PPP6R3: variants seen among roughly 807,000 people sequenced by gnomAD.
PPP6R3 encodes the protein serine/threonine-protein phosphatase 6 regulatory subunit 3.
A neutral mutation model predicts 110.7 loss-of-function variants in PPP6R3; 38 were observed. That is an observed-to-expected ratio of 0.34 (90% CI 0.26 to 0.45). PPP6R3 has a LOEUF of 0.45. Among genes scored for constraint, PPP6R3 ranks in the 20% least tolerant of loss-of-function variants. The probability of loss-of-function intolerance (pLI) is 1.00; values close to 1 mark genes in which losing one functional copy is unlikely to be tolerated. For missense variants in PPP6R3, 870 were observed against 1,062.4 expected (o/e 0.82, Z 2.52); for synonymous variants, 369 against 373.5 (o/e 0.99, Z 0.14).
intron 1 of PPP6R3, among the ~76,000 whole-genome samples, chr11:68,510,054 C>CTTTTTTTT (rs372113258): frequency 2.6e-5 from 2 of 76,968 alleles, no homozygotes; most frequent in Admixed American, 1.9e-4. Context: ...TGTGCTCGGC[C>CTTTTTTTT]TTTTTTTTTT....
At chr11:68,562,513 T>C (rs1452061085) in intron 8 of PPP6R3, among the ~76,000 whole-genome samples, 1 of 152,182 alleles carries the variant, frequency 6.6e-6, no homozygotes, top group African/African-American at 2.4e-5. Flanking sequence ...CACTCTGATT[T>C]TGAGACTTAA....
chr11:68,506,853 G>T (rs1055888815), intron 1 of PPP6R3, among the ~76,000 whole-genome samples: 7 of 152,120 alleles, frequency 4.6e-5, no homozygotes, highest in Admixed American at 2.6e-4. Context: ...GGAAGTTTCA[G>T]CTTTTACATC....
At position 68,613,820 on chromosome 11, in the gene PPP6R3, A is replaced by AGTCTT. The variant is rs1403597787; in HGVS notation, c.*706_*710dup. 1 of 985,440 alleles carries AGTCTT rather than the reference A, an allele frequency of 1.0e-6. No homozygotes were observed. The highest frequency in any genetic ancestry group is 1.2e-6 in the Non-Finnish European group (1 of 829,816). The allele number at this position is 985,440 out of a possible 1,614,324, so 61.0% of individuals were successfully genotyped here. A position where few individuals can be genotyped will look rare whatever the true frequency, so the allele number is the denominator to read the frequency against. On this transcript the variant is annotated 3_prime_UTR_variant, in exon 24 of 24. Coordinates refer to ENST00000393800, the MANE Select transcript of PPP6R3 (RefSeq NM_001164161.2). Reference sequence around the variant, plus strand: ...ATCGTAAAGCCATATGTTCTGTTCAAGTCTTGTTTGCTTGAAATGATTATT... The same window carrying AGTCTT: ...ATCGTAAAGCCATATGTTCTGTTCAAGTCTTGTCTTGTTTGCTTGAAATGATTATT...
intron 12 of PPP6R3, 185 bp downstream of exon 12, chr11:68,571,289 A>G: frequency 1.1e-6 from 1 of 876,720 alleles, no homozygotes; most frequent in Non-Finnish European, 1.6e-6. Flanking sequence ...ATTTCTTGTT[A>G]GGTCCTCTTG....
chr11:68,537,112 CAGA>C (rs923955522), intron 2 of PPP6R3, among the ~76,000 whole-genome samples: 1 of 152,164 alleles, frequency 6.6e-6, no homozygotes, highest in Non-Finnish European at 1.5e-5. Flanking sequence ...TCCTAGTAAA[CAGA>C]GGAGAATCAG....
chr11:68,511,677 C>T (rs910214092), intron 1 of PPP6R3, among the ~76,000 whole-genome samples: 6 of 151,470 alleles, frequency 4.0e-5, no homozygotes, highest in Non-Finnish European at 7.4e-5. Context: ...GACGGGGTTT[C>T]GCCATGTTTG....
rs376690443 is a variant in PPP6R3 at position 68,596,088 on chromosome 11, T to A, written c.1917-9T>A. ...CAGTGTTAAATACTTGGGTCTTGTTTTTCCTTAGCTCGGGGAGTACAGACA... is the reference window on the plus strand; with the variant it reads ...CAGTGTTAAATACTTGGGTCTTGTTATTCCTTAGCTCGGGGAGTACAGACA... On this transcript the variant is annotated splice_polypyrimidine_tract_variant and intron_variant, in intron 18 of 23. Transcript: ENST00000393800. 1.9e-6 allele frequency: 3 copies of A among 1,614,040 alleles called. No homozygotes were observed. In the African/African-American group the frequency reaches 4.0e-5, roughly 22 times the overall value.
intron 13 of PPP6R3, among the ~76,000 whole-genome samples, chr11:68,575,166 T>C (rs1225624231): frequency 6.6e-6 from 1 of 152,228 alleles, no homozygotes; most frequent in Admixed American, 6.5e-5. Context: ...GTGATATGAC[T>C]GAGTTTTTAG....
chr11:68,545,167 A>G, intron 4 of PPP6R3, 143 bp downstream of exon 4: 1 of 528,408 alleles, frequency 1.9e-6, no homozygotes, highest in Non-Finnish European at 3.2e-6. Flanking sequence ...TAAACATTCT[A>G]AGCACTCACA....
At chr11:68,606,795 A>G (rs1250416327) in intron 22 of PPP6R3, among the ~76,000 whole-genome samples, 1 of 152,214 alleles carries the variant, frequency 6.6e-6, no homozygotes, top group African/African-American at 2.4e-5. Context: ...ATAGGTAAAG[A>G]TCAGGAGGAA....
Position 68,508,757 on chromosome 11 carries a change from G to T in PPP6R3, c.-157-10744G>T, listed in dbSNP as rs534898578. ...TTATCAGAGTCAGCAGTACTGAAAA[G>T]AAGAGAAATCTTTTGACAGGGTTAG... On this transcript the variant is annotated intron_variant, in intron 1 of 23. Transcript: ENST00000393800. 3.7e-4 allele frequency among the ~76,000 whole-genome samples: 56 copies of T among 151,928 alleles called. 1 individual carries two copies. The highest frequency in any genetic ancestry group is 3.9e-4 in the Admixed American group (6 of 15,266).
At chr11:68,525,313 TTA>T (rs2099190912) in intron 2 of PPP6R3, among the ~76,000 whole-genome samples, 1 of 152,212 alleles carries the variant, frequency 6.6e-6, no homozygotes, top group South Asian at 2.1e-4. Context: ...GTTTCCACCT[TTA>T]TATAAAGTTG....
At chr11:68,515,544 T>C (rs1339357625) in intron 1 of PPP6R3, among the ~76,000 whole-genome samples, 1 of 152,234 alleles carries the variant, frequency 6.6e-6, no homozygotes, top group African/African-American at 2.4e-5. Flanking sequence ...AGAATTCTAA[T>C]GTTCACAAAG....
At position 68,462,481 on chromosome 11, in the gene PPP6R3, G is replaced by A. The variant is rs1467266456; in HGVS notation, c.-158+1654G>A. On this transcript the variant is annotated intron_variant, in intron 1 of 23. Coordinates refer to ENST00000393800, the MANE Select transcript of PPP6R3 (RefSeq NM_001164161.2). ...TTAAGTCGGGCTTTGTTCCTCATGT[G>A]CTTTTGGATACTAGTTTCTGGGTGA... is the stretch of plus-strand genomic sequence containing the variant. Among the ~76,000 whole-genome samples the A allele has an allele frequency of 2.0e-5, 3 of 152,182 alleles. No homozygotes were observed. In the East Asian group the frequency reaches 5.8e-4, roughly 29 times the overall value.
At chr11:68,484,271 G>A (rs901396952) in intron 1 of PPP6R3, among the ~76,000 whole-genome samples, 1 of 152,190 alleles carries the variant, frequency 6.6e-6, no homozygotes, top group Non-Finnish European at 1.5e-5. Context: ...GAAAGAGTAT[G>A]TTTGCTGTTT....
chr11:68,582,957 TA>T (rs1218499432), intron 14 of PPP6R3, 85 bp from the exon 15 acceptor site: 2 of 1,040,904 alleles, frequency 1.9e-6, no homozygotes, highest in Non-Finnish European at 2.8e-6. Flanking sequence ...AGAAAAAAAC[TA>T]AATGTGATTT....
At chr11:68,505,338 C>G (rs1043804201) in intron 1 of PPP6R3, 18 of 152,304 alleles carry the variant, frequency 1.2e-4, no homozygotes, top group Middle Eastern at 3.4e-3. Context: ...TGCACTAGTT[C>G]ATTTAGAATC....
rs1374198318 is a variant in PPP6R3, at chr11:68,614,698, G to A, written c.*1581G>A. ...AGTAAGCCCTGGGACAGGTGGCAAG[G>A]GTGGGTCCCTTGACCTTTGCACGCC... On this transcript the variant is annotated 3_prime_UTR_variant, in exon 24 of 24. Coordinates refer to ENST00000393800, the MANE Select transcript of PPP6R3 (RefSeq NM_001164161.2). The A allele has an allele frequency of 3.9e-6, 6 of 1,528,512 alleles. No homozygotes were observed. Among genetic ancestry groups the A allele is most frequent in the Non-Finnish European group, 5.3e-6 (6 of 1,139,172 alleles). The allele number at this position is 1,528,512 out of a possible 1,614,324, so 94.7% of individuals were successfully genotyped here. A position where few individuals can be genotyped will look rare whatever the true frequency, so the allele number is the denominator to read the frequency against.
Position 68,579,476 on chromosome 11 carries a change from A to G in PPP6R3, c.1545+3433A>G, listed in dbSNP as rs77575616. On this transcript the variant is annotated intron_variant, in intron 14 of 23. Transcript: ENST00000393800. ...ATATCTAGCTTGGCAAGAGTGTTAT[A>G]TACTTGTTGCTTTTTGCTGTATTTG... 2.4e-3 allele frequency among the ~76,000 whole-genome samples: 372 copies of G among 152,360 alleles called. 3 individuals are homozygous for G. Among genetic ancestry groups the G allele is most frequent in the African/African-American group, 7.6e-3 (316 of 41,580 alleles).
Sources: allele counts gnomAD v4.1 joint callset (sites outside exome capture counted in the v4.1 genomes callset), GRCh38; gene constraint gnomAD v4.1.1; transcripts MANE v1.5; gene names NCBI Gene and HGNC (gene_info 2026-07-23, HGNC 2026-07-21).